The following KCNQ3 variants were observed in gnomAD, a reference collection of about 807,000 sequenced individuals.
The protein encoded by KCNQ3 is potassium voltage-gated channel subfamily Q member 3, also known as potassium voltage-gated channel subfamily KQT member 3.
A neutral mutation model predicts 92.5 loss-of-function variants in KCNQ3; 30 were observed. The ratio of observed to expected loss-of-function variants is 0.32; its 90% CI spans 0.24 to 0.44. KCNQ3 has a LOEUF of 0.44. Among genes scored for constraint, KCNQ3 ranks in the 20% least tolerant of loss-of-function variants. KCNQ3 has a pLI of 1.00. For synonymous variants in KCNQ3, 450 were observed against 468.8 expected, an observed-to-expected ratio of 0.96 and a Z score of 0.52; for missense variants, 913 against 1,140.3, an observed-to-expected ratio of 0.80 and a Z score of 2.87.
chr8:132,288,690 T>TC (rs1563842437), intron 1 of KCNQ3, among the ~76,000 whole-genome samples: 2 of 151,018 alleles, frequency 1.3e-5, no homozygotes, highest in East Asian at 3.9e-4. Context: ...TGTATGGGTG[T>TC]TTTTTTTTCT....
intron 8 of KCNQ3, 85 bp downstream of exon 8, chr8:132,170,249 G>T (rs1384282287): frequency 1.1e-6 from 1 of 947,178 alleles, no homozygotes; most frequent in Non-Finnish European, 1.7e-6. Flanking sequence ...TGTTCTCCAG[G>T]GACCCGTGAG....
At chr8:132,454,699 C>G (rs970801186) in intron 1 of KCNQ3, among the ~76,000 whole-genome samples, 1 of 152,132 alleles carries the variant, frequency 6.6e-6, no homozygotes, top group African/African-American at 2.4e-5. Context: ...CAGAGAAACT[C>G]AGACATAATT....
Position 132,480,226 on chromosome 8 carries a change from T to C in KCNQ3, c.307A>G (p.Lys103Glu), listed in dbSNP as rs776460879. 1 of 1,613,406 alleles carries C rather than the reference T, an allele frequency of 6.2e-7. No individual in the cohort carries two copies. The highest frequency in any genetic ancestry group is 1.1e-5 in the South Asian group (1 of 90,984). The change falls in exon 1 of 15, where the codon AAG (lysine) becomes GAG (glutamate). Residue 103 changes from lysine to glutamate, a missense_variant. Physicochemically the swap from Lys to Glu is moderately conservative, Grantham distance 56. Around this residue, in one of 6 missense-constraint regions of KCNQ3, gnomAD observed 183 missense variants for 167.7 expected, o/e 1.09. Transcript: ENST00000388996. Reference protein sequence around the residue: ...LSRPVKRNNAKYRRIQTLIYD... With the variant: ...LSRPVKRNNAEYRRIQTLIYD... ...ATCAAAGTTTGGATGCGCCGGTACT[T>C]GGCGTTGTTTCTCTTGACTGGGCGG...
At chr8:132,273,405 C>T (rs1324321663) in intron 1 of KCNQ3, among the ~76,000 whole-genome samples, 1 of 152,200 alleles carries the variant, frequency 6.6e-6, no homozygotes, top group Non-Finnish European at 1.5e-5. Flanking sequence ...GAATGCAGGG[C>T]ACCAAGTCCT....
intron 1 of KCNQ3, among the ~76,000 whole-genome samples, chr8:132,471,383 C>T (rs1258633853): frequency 6.6e-6 from 1 of 152,138 alleles, no homozygotes; most frequent in Non-Finnish European, 1.5e-5. Flanking sequence ...ACTGGTCACC[C>T]TCCAAGTCAA....
At chr8:132,163,955 T>C (rs917369113) in intron 8 of KCNQ3, among the ~76,000 whole-genome samples, 1 of 152,150 alleles carries the variant, frequency 6.6e-6, no homozygotes, top group African/African-American at 2.4e-5. Flanking sequence ...ACTATTATCA[T>C]CCCATTTCCC....
At position 132,409,302 on chromosome 8, in the gene KCNQ3, A is replaced by T. The variant is rs543965564; in HGVS notation, c.386+70845T>A. On this transcript the variant is annotated intron_variant, in intron 1 of 14. Coordinates refer to ENST00000388996, the MANE Select transcript of KCNQ3 (RefSeq NM_004519.4). ...AAGTTGAGCTCCTATTCTGTGCCTG[A>T]TACTGTGCTAGACACTGAGGACCCA... 6.6e-5 allele frequency among the ~76,000 whole-genome samples: 10 copies of T among 152,240 alleles called. No homozygotes were observed. In the South Asian group the frequency reaches 2.1e-3, roughly 32 times the overall value.
intron 1 of KCNQ3, among the ~76,000 whole-genome samples, chr8:132,444,552 C>T (rs1821625822): frequency 2.0e-5 from 3 of 152,222 alleles, no homozygotes; most frequent in Admixed American, 2.0e-4. Flanking sequence ...TGTGCCTCCA[C>T]TTCCTTCTTG....
intron 1 of KCNQ3, among the ~76,000 whole-genome samples, chr8:132,317,433 C>G (rs1280994458): frequency 2.6e-5 from 4 of 152,172 alleles, no homozygotes; most frequent in Non-Finnish European, 4.4e-5. Flanking sequence ...AAAACAAAGA[C>G]CACTAGCTCA....
intron 1 of KCNQ3, among the ~76,000 whole-genome samples, chr8:132,188,638 T>C (rs776719645): frequency 2.6e-5 from 4 of 152,214 alleles, no homozygotes; most frequent in Non-Finnish European, 4.4e-5. Context: ...TGCAATTTAA[T>C]ATCAATTTAT....
intron 12 of KCNQ3, among the ~76,000 whole-genome samples, chr8:132,134,750 A>T (rs1024549857): frequency 3.4e-5 from 5 of 146,350 alleles, no homozygotes; most frequent in South Asian, 2.2e-4. Context: ...GCATCTTGTT[A>T]TTTTTTTTTT....
intron 1 of KCNQ3, among the ~76,000 whole-genome samples, chr8:132,220,889 A>C (rs1423422788): frequency 6.6e-6 from 1 of 152,098 alleles, no homozygotes; most frequent in African/African-American, 2.4e-5. Context: ...ATAGGTATAC[A>C]TGTGCCATGT....
intron 9 of KCNQ3, among the ~76,000 whole-genome samples, chr8:132,158,102 C>T (rs2130051000): frequency 6.6e-6 from 1 of 152,284 alleles, no homozygotes. Flanking sequence ...TGGTCCAAAT[C>T]TCACCTCTGC....
At chr8:132,447,705 G>C (rs1821720636) in intron 1 of KCNQ3, among the ~76,000 whole-genome samples, 1 of 152,240 alleles carries the variant, frequency 6.6e-6, no homozygotes, top group Non-Finnish European at 1.5e-5. Flanking sequence ...GAACCACCAG[G>C]AGTTCTAAGG....
chr8:132,479,872 G>A (rs1007425653), intron 1 of KCNQ3, among the ~76,000 whole-genome samples: 8 of 150,966 alleles, frequency 5.3e-5, no homozygotes, highest in East Asian at 2.0e-4. Flanking sequence ...ACCCGCGCGC[G>A]CACACATCCG....
At chr8:132,214,844 C>T (rs2130312896) in intron 1 of KCNQ3, among the ~76,000 whole-genome samples, 1 of 152,348 alleles carries the variant, frequency 6.6e-6, no homozygotes, top group Middle Eastern at 3.4e-3. Context: ...GCACCTGGGG[C>T]ATTGCCTGGG....
intron 1 of KCNQ3, among the ~76,000 whole-genome samples, chr8:132,211,452 C>T (rs1448721896): frequency 6.6e-6 from 1 of 152,126 alleles, no homozygotes; most frequent in East Asian, 1.9e-4. Flanking sequence ...GACCTTTCCC[C>T]CTCCTCCTGT....
At chr8:132,415,896 C>T (rs1044012861) in intron 1 of KCNQ3, among the ~76,000 whole-genome samples, 3 of 152,148 alleles carry the variant, frequency 2.0e-5, no homozygotes, top group Non-Finnish European at 1.5e-5. Context: ...TAATCATGAA[C>T]AAAATATTGA....
chr8:132,129,704 C>T lies in KCNQ3; in HGVS notation c.2177G>A (p.Ser726Asn). The T allele has an allele frequency of 6.2e-7, 1 of 1,614,188 alleles. No homozygotes were observed. The change falls in exon 15 of 15, where the codon AGT (serine) becomes AAT (asparagine). Residue 726 changes from serine to asparagine, a missense_variant. By Grantham distance (46) the Ser-to-Asn change is conservative. Around this residue, in one of 6 missense-constraint regions of KCNQ3, gnomAD observed 375 missense variants for 376.4 expected, o/e 1.00. Transcript: ENST00000388996. This position sits in a 1 kb window ranked among gnomAD's most constrained non-coding sequence, Gnocchi z 5.9. ...DPVNLPRGGP[S>N]SGKVQATPPS... ...AGGAGTTGCCTGAACCTTTCCAGAACTGGGTCCCCCTCGGGGCAGGTTCAC... is the reference window on the plus strand; with the variant it reads ...AGGAGTTGCCTGAACCTTTCCAGAATTGGGTCCCCCTCGGGGCAGGTTCAC...
Sources: allele counts gnomAD v4.1 joint callset (sites outside exome capture counted in the v4.1 genomes callset), GRCh38; gene constraint gnomAD v4.1.1; regional missense constraint gnomAD v4.1.1; non-coding constraint Gnocchi (gnomAD v3.1); transcripts MANE v1.5; gene names NCBI Gene and HGNC (gene_info 2026-07-23, HGNC 2026-07-21).